DCC: variants seen among roughly 807,000 people sequenced by gnomAD.
DCC encodes the protein netrin receptor DCC.
DCC carries 58 observed loss-of-function variants against 172.5 expected under a neutral mutation model. That is an observed-to-expected ratio of 0.34 (90% CI 0.27 to 0.42). The LOEUF is 0.42. DCC is among the 10% of genes least tolerant of loss of function. The pLI is 1.00. For synonymous variants in DCC, 709 were observed against 644.5 expected, an observed-to-expected ratio of 1.10 and a Z score of -1.52; for missense variants, 1,740 against 1,791.0, an observed-to-expected ratio of 0.97 and a Z score of 0.51.
chr18:52,777,014 T>G (rs2037446590), intron 2 of DCC, among the ~76,000 whole-genome samples: 1 of 152,152 alleles, frequency 6.6e-6, no homozygotes, highest in African/African-American at 2.4e-5. Flanking sequence ...AGCCTTTTTG[T>G]GTGTGTTTTG....
chr18:53,372,828 C>T lies in DCC; in HGVS notation c.2360-13215C>T, dbSNP rs151278016. On this transcript the variant is annotated intron_variant, in intron 15 of 28. Transcript: ENST00000442544. ...AAATCTGTCCTGAAATAATTCTGTA[C>T]TTCTGGGCCTTGATCCTCAGAACTC... is the stretch of plus-strand genomic sequence containing the variant. Among the ~76,000 whole-genome samples the T allele has an allele frequency of 4.4e-4, 67 of 152,136 alleles. 1 individual carries two copies. In the East Asian group the frequency reaches 0.013, roughly 29 times the overall value.
intron 15 of DCC, among the ~76,000 whole-genome samples, chr18:53,356,867 G>A (rs914469018): frequency 2.0e-5 from 3 of 152,096 alleles, no homozygotes; most frequent in African/African-American, 7.2e-5. Context: ...GCTAGGCTGG[G>A]CTCCTTCTGA....
At chr18:53,312,834 T>G (rs2057291602) in intron 13 of DCC, among the ~76,000 whole-genome samples, 3 of 139,306 alleles carry the variant, frequency 2.2e-5, no homozygotes, top group African/African-American at 5.3e-5. Context: ...AAGCTTTTAA[T>G]TACAGACTGC....
intron 12 of DCC, among the ~76,000 whole-genome samples, chr18:53,238,907 T>C (rs962690406): frequency 1.8e-4 from 28 of 152,138 alleles, no homozygotes; most frequent in African/African-American, 5.8e-4. Flanking sequence ...CCTAGTATTA[T>C]TTAACCTTCA....
intron 1 of DCC, among the ~76,000 whole-genome samples, chr18:52,657,567 A>G (rs2035280250): frequency 1.3e-5 from 2 of 152,156 alleles, no homozygotes; most frequent in Admixed American, 6.5e-5. Flanking sequence ...CTCTCACTGC[A>G]GTCTGCCTGT....
At chr18:53,078,489 TG>T (rs1177147376) in intron 7 of DCC, among the ~76,000 whole-genome samples, 1 of 152,162 alleles carries the variant, frequency 6.6e-6, no homozygotes, top group Non-Finnish European at 1.5e-5. Context: ...AGGATGGTAG[TG>T]TCATTTGCCA....
intron 1 of DCC, among the ~76,000 whole-genome samples, chr18:52,565,282 A>C (rs1156494306): frequency 6.6e-6 from 1 of 152,154 alleles, no homozygotes. Flanking sequence ...GCTATTGTGA[A>C]TGGTGCTGCA....
At chr18:53,298,481 T>C (rs1486294898) in intron 12 of DCC, among the ~76,000 whole-genome samples, 1 of 130,750 alleles carries the variant, frequency 7.6e-6, no homozygotes, top group Non-Finnish European at 1.5e-5. Flanking sequence ...TGAGCCCTGA[T>C]TGCACCACTG....
intron 5 of DCC, among the ~76,000 whole-genome samples, chr18:53,011,060 A>G (rs1006936198): frequency 1.3e-5 from 2 of 151,466 alleles, no homozygotes; most frequent in Admixed American, 1.3e-4. Flanking sequence ...TATACAAGGT[A>G]TTAAATATGC....
At chr18:52,774,614 G>A (rs749387589) in intron 2 of DCC, among the ~76,000 whole-genome samples, 34 of 152,294 alleles carry the variant, frequency 2.2e-4, no homozygotes, top group Non-Finnish European at 2.6e-4. Flanking sequence ...TGTTCCCCTC[G>A]CAGAGTGTGT....
chr18:52,882,123 G>T lies in DCC; in HGVS notation c.413-23921G>T, dbSNP rs778851993. On this transcript the variant is annotated intron_variant, in intron 2 of 28. Transcript: ENST00000442544. ...AGTGTAGGTATATAGAAATGTTAAT[G>T]ATTTGTATGTTGATTTTATATCCTG... Among the ~76,000 whole-genome samples, 81 of 152,014 alleles carry T rather than the reference G, an allele frequency of 5.3e-4. 3 individuals carry two copies. The highest frequency in any genetic ancestry group is 7.4e-5 in the Non-Finnish European group (5 of 67,942).
At chr18:52,795,104 T>A (rs1464667567) in intron 2 of DCC, among the ~76,000 whole-genome samples, 1 of 152,048 alleles carries the variant, frequency 6.6e-6, no homozygotes, top group Admixed American at 6.6e-5. Flanking sequence ...TTTTTTAAAA[T>A]CTTTGTCTGG....
At chr18:52,670,439 A>C (rs1055330059) in intron 1 of DCC, among the ~76,000 whole-genome samples, 3 of 152,220 alleles carry the variant, frequency 2.0e-5, no homozygotes, top group Admixed American at 6.5e-5. Flanking sequence ...CTTTAACTAT[A>C]AAGTTTGGGT....
chr18:53,503,742 T>G (rs549641962), intron 27 of DCC, among the ~76,000 whole-genome samples: 1 of 152,170 alleles, frequency 6.6e-6, no homozygotes, highest in Admixed American at 6.5e-5. Flanking sequence ...GGAAAGAAAA[T>G]GTGATCTCTT....
At chr18:53,006,095 G>A (rs1012959433) in intron 5 of DCC, among the ~76,000 whole-genome samples, 4 of 152,188 alleles carry the variant, frequency 2.6e-5, no homozygotes, top group Admixed American at 6.5e-5. Context: ...ACATATATGT[G>A]TGTCTTCAGT....
intron 1 of DCC, among the ~76,000 whole-genome samples, chr18:52,667,891 C>A (rs2035483255): frequency 6.6e-6 from 1 of 152,134 alleles, no homozygotes; most frequent in African/African-American, 2.4e-5. Flanking sequence ...CAATGGAAAA[C>A]CACTTCAAAG....
chr18:53,311,227 T>C (rs910973636), intron 13 of DCC, among the ~76,000 whole-genome samples: 4 of 152,144 alleles, frequency 2.6e-5, no homozygotes, highest in Middle Eastern at 3.2e-3. Context: ...GTTCAAGTGA[T>C]TCTCCTGCCT....
intron 5 of DCC, among the ~76,000 whole-genome samples, chr18:52,938,064 AATAC>A (rs1015905774): frequency 3.3e-5 from 5 of 152,094 alleles, no homozygotes; most frequent in African/African-American, 1.2e-4. Context: ...ATTGTTTTTT[AATAC>A]ATTGTTATGA....
intron 1 of DCC, among the ~76,000 whole-genome samples, chr18:52,513,004 A>G (rs572000548): frequency 6.6e-6 from 1 of 152,326 alleles, no homozygotes; most frequent in African/African-American, 2.4e-5. Flanking sequence ...GGAGTAGAAA[A>G]TATAGATCCT....
Sources: allele counts gnomAD v4.1 joint callset (sites outside exome capture counted in the v4.1 genomes callset), GRCh38; gene constraint gnomAD v4.1.1; transcripts MANE v1.5; gene names NCBI Gene and HGNC (gene_info 2026-07-23, HGNC 2026-07-21).